Variants in MAST4 observed in about 807,000 individuals in gnomAD.
MAST4 encodes microtubule associated serine/threonine kinase family member 4.
MAST4 carries 89 observed loss-of-function variants against 162.7 expected under a neutral mutation model. The observed-to-expected ratio is 0.55, with a 90% CI of 0.46 to 0.65. The LOEUF (loss-of-function observed/expected upper bound fraction) is 0.65, where lower values mean the gene tolerates loss of function less well. Among genes scored for constraint, MAST4 ranks in the 30% least tolerant of loss-of-function variants. The probability of loss-of-function intolerance (pLI) is 0.00; values close to 1 mark genes in which losing one functional copy is unlikely to be tolerated. For missense variants in MAST4, 3,153 were observed against 3,374.0 expected (o/e 0.93, Z 1.62); for synonymous variants, 1,479 against 1,361.1 (o/e 1.09, Z -1.91).
chr5:66,850,617 A>C (rs1379944844), intron 3 of MAST4, among the ~76,000 whole-genome samples: 1 of 152,172 alleles, frequency 6.6e-6, no homozygotes, highest in Non-Finnish European at 1.5e-5. Flanking sequence ...AAATTATTAA[A>C]ATTACCTTCA....
intron 1 of MAST4, among the ~76,000 whole-genome samples, chr5:66,642,543 C>T (rs571456060): frequency 1.1e-4 from 17 of 152,148 alleles, no homozygotes; most frequent in East Asian, 3.9e-4. Flanking sequence ...TTTAGAGAGA[C>T]GTACAGAAAC....
intron 2 of MAST4, among the ~76,000 whole-genome samples, chr5:66,786,555 A>G (rs186736746): frequency 6.6e-6 from 1 of 152,334 alleles, no homozygotes; most frequent in African/African-American, 2.4e-5. Flanking sequence ...TCCTTCAAAT[A>G]CTGAGTGATT....
intron 1 of MAST4, among the ~76,000 whole-genome samples, chr5:66,645,003 G>C (rs546219663): frequency 6.6e-6 from 1 of 152,076 alleles, no homozygotes; most frequent in East Asian, 1.9e-4. Context: ...AGCTTCTTGT[G>C]GGGTGGGGGC....
intron 1 of MAST4, among the ~76,000 whole-genome samples, chr5:66,637,241 C>T (rs951499686): frequency 4.3e-4 from 62 of 145,686 alleles, no homozygotes; most frequent in Non-Finnish European, 4.5e-4. Flanking sequence ...TATTTCCATT[C>T]TTTTTTTTTT....
chr5:66,598,359 G>C (rs1742333440), intron 1 of MAST4, among the ~76,000 whole-genome samples: 2 of 152,192 alleles, frequency 1.3e-5, no homozygotes, highest in Admixed American at 1.3e-4. Context: ...CTGAGGTTCA[G>C]TTCCATAATC....
chr5:66,865,862 G>A (rs980248830), intron 3 of MAST4, among the ~76,000 whole-genome samples: 1 of 152,100 alleles, frequency 6.6e-6, no homozygotes, highest in Non-Finnish European at 1.5e-5. Context: ...ATCAGTTGAG[G>A]TCAGGAGTTC....
At chr5:66,832,269 GA>G (rs926033396) in intron 3 of MAST4, among the ~76,000 whole-genome samples, 16 of 151,910 alleles carry the variant, frequency 1.1e-4, no homozygotes, top group African/African-American at 3.6e-4. Flanking sequence ...GCTAGAATGT[GA>G]AAAAATGTTT....
chr5:66,724,232 G>A (rs59115594), intron 1 of MAST4, among the ~76,000 whole-genome samples: 3,159 of 152,166 alleles, frequency 0.021, 112 homozygotes, highest in African/African-American at 0.071. Context: ...CATTTGATTC[G>A]TGATATTTTA....
Position 67,164,450 on chromosome 5 carries a change from C to A in MAST4, c.5271C>A (p.Pro1757=), listed in dbSNP as rs746073401. 6.2e-7 allele frequency: 1 copy of A among 1,614,046 alleles called. No homozygotes were observed. The highest frequency in any genetic ancestry group is 1.1e-5 in the South Asian group (1 of 91,084). ...AGATGAGTGCCGTCTCTTTTGTTCC[C>A]CTCAAGGCCTTAACAGGCCGGGTGG... is the stretch of plus-strand genomic sequence containing the variant. ...AAQMSAVSFV[P]LKALTGRVDS... Residue 1757 remains proline, a synonymous_variant, in exon 29 of 29, where the codon CCC becomes CCA. Coordinates refer to ENST00000403625, the MANE Select transcript of MAST4 (RefSeq NM_001164664.2). This position sits in a 1 kb window ranked among gnomAD's most constrained non-coding sequence, Gnocchi z 5.3.
At chr5:66,691,466 A>C (rs373274792) in intron 1 of MAST4, among the ~76,000 whole-genome samples, 1 of 152,236 alleles carries the variant, frequency 6.6e-6, no homozygotes, top group African/African-American at 2.4e-5. Flanking sequence ...AAACGGCTAC[A>C]TAAAAAATGA....
At chr5:67,159,478 C>G (rs1336670884) in intron 26 of MAST4, among the ~76,000 whole-genome samples, 1 of 152,194 alleles carries the variant, frequency 6.6e-6, no homozygotes, top group African/African-American at 2.4e-5. Context: ...CTAACTCCCC[C>G]CAACTCCCCT....
intron 21 of MAST4, among the ~76,000 whole-genome samples, chr5:67,144,455 TGTACACAC>T (rs1320085609): frequency 1.4e-5 from 1 of 72,302 alleles, no homozygotes; most frequent in East Asian, 3.6e-4. Context: ...TTCGTATATA[TGTACACAC>T]ACACACACAC....
At chr5:66,927,518 C>T (rs1278738987) in intron 4 of MAST4, among the ~76,000 whole-genome samples, 1 of 152,192 alleles carries the variant, frequency 6.6e-6, no homozygotes, top group Non-Finnish European at 1.5e-5. Flanking sequence ...CCCTTACTCT[C>T]AACCAGGAAT....
rs1223267522 is a variant in MAST4, at chr5:67,164,097, C to T, written c.4918C>T (p.Pro1640Ser). 1 of 1,577,054 alleles carries T rather than the reference C, an allele frequency of 6.3e-7. No individual in the cohort carries two copies. Among genetic ancestry groups the T allele is most frequent in the Non-Finnish European group, 8.6e-7 (1 of 1,160,382 alleles). ...RQGGGDFRRA[P>S]APGTLQDGLC... Reference sequence around the variant, plus strand: ...GGGTGGCGGGGACTTCAGACGGGCCCCCGCTCCTGGCACCCTCCAGGATGG... The same window carrying T: ...GGGTGGCGGGGACTTCAGACGGGCCTCCGCTCCTGGCACCCTCCAGGATGG... Residue 1640 changes from proline to serine, a missense_variant, in exon 29 of 29, where the codon CCC becomes TCC. By Grantham distance (74) the Pro-to-Ser change is moderately conservative. This residue lies in a region of MAST4 where 1,644 missense variants were observed against 1,495.0 expected (regional missense o/e 1.10). Transcript: ENST00000403625. The surrounding 1 kb of genome is among the most constrained non-coding windows in gnomAD (Gnocchi z 5.3).
chr5:66,684,159 G>A (rs1428886500), intron 1 of MAST4, among the ~76,000 whole-genome samples: 1 of 152,170 alleles, frequency 6.6e-6, no homozygotes, highest in Non-Finnish European at 1.5e-5. Flanking sequence ...TGAAAGCTGG[G>A]GCAGTGCTTG....
Position 66,847,494 on chromosome 5 carries a change from C to T in MAST4, c.643-52457C>T, listed in dbSNP as rs569380158. 1.6e-4 allele frequency among the ~76,000 whole-genome samples: 25 copies of T among 152,170 alleles called. No homozygotes were observed. The South Asian group carries it at 2.1e-3, about 13-fold the overall frequency. ...CTAAGTAATACAAAAATTAGCCAGG[C>T]GTGGTAGTGGACGCCTGTAATTCCA... On this transcript the variant is annotated intron_variant, in intron 3 of 28. Coordinates refer to ENST00000403625, the MANE Select transcript of MAST4 (RefSeq NM_001164664.2).
intron 4 of MAST4, among the ~76,000 whole-genome samples, chr5:66,969,109 T>C (rs541358611): frequency 1.3e-5 from 2 of 152,326 alleles, no homozygotes; most frequent in South Asian, 2.1e-4. Flanking sequence ...GAATTGTGAA[T>C]TGGGGGCTGC....
At chr5:66,718,874 G>C (rs1751024760) in intron 1 of MAST4, among the ~76,000 whole-genome samples, 1 of 152,162 alleles carries the variant, frequency 6.6e-6, no homozygotes, top group Non-Finnish European at 1.5e-5. Flanking sequence ...GTGCAGCTCT[G>C]CATTTTGAAA....
chr5:67,026,258 A>G (rs1256721891), intron 4 of MAST4, among the ~76,000 whole-genome samples: 1 of 152,196 alleles, frequency 6.6e-6, no homozygotes, highest in African/African-American at 2.4e-5. Flanking sequence ...TCGATGCTAC[A>G]TTTTAGAGGG....
Sources: allele counts gnomAD v4.1 joint callset (sites outside exome capture counted in the v4.1 genomes callset), GRCh38; gene constraint gnomAD v4.1.1; regional missense constraint gnomAD v4.1.1; non-coding constraint Gnocchi (gnomAD v3.1); transcripts MANE v1.5; gene names NCBI Gene and HGNC (gene_info 2026-07-23, HGNC 2026-07-21).